The following CSMD1 variants were observed in gnomAD, a reference collection of about 807,000 sequenced individuals.
The protein encoded by CSMD1 is CUB and Sushi multiple domains 1.
Under a neutral mutation model 417.5 loss-of-function variants are expected in CSMD1, and 213 were observed. The observed-to-expected ratio is 0.51, with a 90% CI of 0.46 to 0.57. The LOEUF is 0.57. Among genes scored for constraint, CSMD1 ranks in the 20% least tolerant of loss-of-function variants. The pLI is 0.00. For missense variants in CSMD1, 6,923 were observed against 4,529.7 expected, an observed-to-expected ratio of 1.53 and a Z score of -15.17; for synonymous variants, 2,862 against 1,736.8, an observed-to-expected ratio of 1.65 and a Z score of -16.11.
In CSMD1 at chr8:4,505,241, T is replaced by G. The variant is rs866652669; in HGVS notation, c.303-85176A>C. Among the ~76,000 whole-genome samples the G allele has an allele frequency of 4.6e-5, 7 of 152,162 alleles. No homozygotes were observed. The South Asian group carries it at 6.2e-4, about 14-fold the overall frequency. On this transcript the variant is annotated intron_variant, in intron 2 of 69. Transcript: ENST00000635120. ...CTTGATTTGTAGAGAAAGTTTTTCC[T>G]TACTTTATGAAAAAATAATAATGAT...
chr8:2,937,321 TC>T lies in CSMD1; in HGVS notation c.*1263del, dbSNP rs916597277. 6 of 151,924 alleles carry T rather than the reference TC, an allele frequency of 3.9e-5. No homozygotes were observed. Among genetic ancestry groups the T allele is most frequent in the African/African-American group, 1.5e-4 (6 of 41,346 alleles). The allele number at this position is 151,924 out of a possible 1,614,324, so 9.4% of individuals were successfully genotyped here. ...GAGGAGAGTGTGTGTACTTTTTCCT[TC>T]CCTCTAAAAGAACACTTGGTATTTT... On this transcript the variant is annotated 3_prime_UTR_variant, in exon 70 of 70. Transcript: ENST00000635120.
intron 6 of CSMD1, among the ~76,000 whole-genome samples, chr8:3,714,093 T>C (rs1057421141): frequency 6.6e-6 from 1 of 150,862 alleles, no homozygotes; most frequent in Non-Finnish European, 1.5e-5. Flanking sequence ...TATAATCATG[T>C]ATATATATAA....
rs1470052890 is a variant in CSMD1 at position 4,425,619 on chromosome 8, G to A, written c.303-5554C>T. On this transcript the variant is annotated intron_variant, in intron 2 of 69. Transcript: ENST00000635120. ...GTACTTCTGTGAGTATCCTTTCCAT[G>A]AGGGCCCTTGCGATACATTTTATTC... is the stretch of plus-strand genomic sequence containing the variant. 2.0e-5 allele frequency among the ~76,000 whole-genome samples: 3 copies of A among 152,122 alleles called. No homozygotes were observed. In the East Asian group the frequency reaches 5.8e-4, roughly 29 times the overall value.
intron 2 of CSMD1, among the ~76,000 whole-genome samples, chr8:4,623,856 G>C (rs1041398732): frequency 3.9e-5 from 6 of 152,056 alleles, no homozygotes; most frequent in Non-Finnish European, 7.4e-5. Context: ...AACACAGGAT[G>C]GATGACCGGG....
chr8:3,304,300 G>C (rs1237242340), intron 25 of CSMD1, among the ~76,000 whole-genome samples: 3 of 151,938 alleles, frequency 2.0e-5, no homozygotes, highest in Admixed American at 6.6e-5. Flanking sequence ...TGTTACCATT[G>C]AAATAAATAA....
chr8:4,084,083 T>C (rs1399146045), intron 3 of CSMD1, among the ~76,000 whole-genome samples: 3 of 152,208 alleles, frequency 2.0e-5, no homozygotes, highest in Non-Finnish European at 4.4e-5. Context: ...TGAAAATGGC[T>C]AGTAATATTT....
chr8:3,238,479 G>C (rs1389231247), intron 26 of CSMD1, among the ~76,000 whole-genome samples: 1 of 152,022 alleles, frequency 6.6e-6, no homozygotes, highest in Non-Finnish European at 1.5e-5. Flanking sequence ...AAAATTTTTG[G>C]GGGTGGTATG....
chr8:4,900,948 G>A (rs559815334), intron 1 of CSMD1, among the ~76,000 whole-genome samples: 1 of 152,340 alleles, frequency 6.6e-6, no homozygotes, highest in Non-Finnish European at 1.5e-5. Context: ...GCACAGTGCG[G>A]CCACATGGCA....
chr8:4,633,412 A>C (rs1320297712), intron 2 of CSMD1, among the ~76,000 whole-genome samples: 1 of 151,404 alleles, frequency 6.6e-6, no homozygotes, highest in Non-Finnish European at 1.5e-5. Flanking sequence ...ACGCCCAGCT[A>C]ATTTTTTTTT....
intron 3 of CSMD1, among the ~76,000 whole-genome samples, chr8:4,383,573 T>C (rs1329078869): frequency 6.6e-6 from 1 of 152,126 alleles, no homozygotes; most frequent in Admixed American, 6.6e-5. Flanking sequence ...TCAAATCTGA[T>C]TACAGGGCCC....
chr8:4,273,506 C>G (rs947272266), intron 3 of CSMD1, among the ~76,000 whole-genome samples: 1 of 152,078 alleles, frequency 6.6e-6, no homozygotes, highest in African/African-American at 2.4e-5. Flanking sequence ...AGTTAAGTAG[C>G]AAATAAGAAT....
intron 5 of CSMD1, among the ~76,000 whole-genome samples, chr8:3,837,465 C>G (rs537235047): frequency 6.6e-6 from 1 of 152,218 alleles, no homozygotes; most frequent in South Asian, 2.1e-4. Flanking sequence ...AGATGTCCTC[C>G]TGGGACCTAA....
intron 1 of CSMD1, among the ~76,000 whole-genome samples, chr8:4,763,322 T>C (rs1452720097): frequency 6.6e-6 from 1 of 152,188 alleles, no homozygotes; most frequent in Admixed American, 6.6e-5. Context: ...CTGAATGATC[T>C]CATCCCCAAT....
intron 5 of CSMD1, among the ~76,000 whole-genome samples, chr8:3,847,367 G>C (rs1803578040): frequency 6.6e-6 from 1 of 152,066 alleles, no homozygotes; most frequent in South Asian, 2.1e-4. Flanking sequence ...AGCAGAAGTG[G>C]TCCCCTCCTG....
At chr8:3,471,943 G>A (rs191794969) in intron 11 of CSMD1, among the ~76,000 whole-genome samples, 37 of 152,186 alleles carry the variant, frequency 2.4e-4, no homozygotes, top group African/African-American at 7.9e-4. Flanking sequence ...CGAGGAGAGT[G>A]TTTTCCCTTC....
At chr8:4,596,753 A>G (rs949030446) in intron 2 of CSMD1, among the ~76,000 whole-genome samples, 1 of 152,198 alleles carries the variant, frequency 6.6e-6, no homozygotes, top group South Asian at 2.1e-4. Flanking sequence ...TACACACATG[A>G]TATGGATTGG....
At chr8:4,191,452 A>C (rs1799027778) in intron 3 of CSMD1, among the ~76,000 whole-genome samples, 1 of 152,130 alleles carries the variant, frequency 6.6e-6, no homozygotes, top group Non-Finnish European at 1.5e-5. Flanking sequence ...CAAACTAAAA[A>C]AAATTGAACA....
intron 7 of CSMD1, among the ~76,000 whole-genome samples, chr8:3,650,535 C>T (rs1319830505): frequency 6.6e-6 from 1 of 152,128 alleles, no homozygotes; most frequent in African/African-American, 2.4e-5. Context: ...ACTCAGGCTC[C>T]TTTCCTTGAA....
At chr8:3,307,931 A>G (rs1267592468) in intron 24 of CSMD1, 110 bp from the exon 25 acceptor site, 2 of 1,191,034 alleles carry the variant, frequency 1.7e-6, no homozygotes, top group East Asian at 2.5e-5. Context: ...ACATAGAGAA[A>G]AAGAATCACC....
Sources: allele counts gnomAD v4.1 joint callset (sites outside exome capture counted in the v4.1 genomes callset), GRCh38; gene constraint gnomAD v4.1.1; transcripts MANE v1.5; gene names NCBI Gene and HGNC (gene_info 2026-07-23, HGNC 2026-07-21).